Variants in LRRTM4 observed in about 807,000 individuals in gnomAD.
The protein encoded by LRRTM4 is leucine-rich repeat transmembrane neuronal protein 4.
A neutral mutation model predicts 47.6 loss-of-function variants in LRRTM4; 25 were observed. The observed-to-expected ratio is 0.53, with a 90% CI of 0.38 to 0.73. The LOEUF is 0.73. Ranked by LOEUF, LRRTM4 falls within the 30% of genes least tolerant of loss-of-function variation. The pLI is 0.00. For missense variants in LRRTM4, 638 were observed against 713.4 expected (o/e 0.89, Z 1.20); for synonymous variants, 311 against 269.5 (o/e 1.15, Z -1.51).
intron 3 of LRRTM4, among the ~76,000 whole-genome samples, chr2:76,842,793 G>C (rs1671723006): frequency 2.6e-5 from 4 of 152,038 alleles, no homozygotes; most frequent in Admixed American, 2.6e-4. Flanking sequence ...TGTTACATAG[G>C]TATACATGTG....
At chr2:77,427,902 C>T (rs868820140) in intron 3 of LRRTM4, among the ~76,000 whole-genome samples, 5 of 152,144 alleles carry the variant, frequency 3.3e-5, no homozygotes, top group South Asian at 2.1e-4. Context: ...CCAACTGATA[C>T]GGTTTGGCTG....
chr2:76,975,702 T>C (rs1460234534), intron 3 of LRRTM4, among the ~76,000 whole-genome samples: 1 of 151,732 alleles, frequency 6.6e-6, no homozygotes, highest in Admixed American at 6.6e-5. Flanking sequence ...ACAAAAAATA[T>C]TTACTATTGG....
intron 3 of LRRTM4, among the ~76,000 whole-genome samples, chr2:77,141,041 A>G (rs1476666888): frequency 6.6e-6 from 1 of 152,184 alleles, no homozygotes; most frequent in Non-Finnish European, 1.5e-5. Context: ...AAACTAGTTC[A>G]ACCATTGTGG....
intron 3 of LRRTM4, among the ~76,000 whole-genome samples, chr2:77,515,081 A>C (rs1679157164): frequency 6.6e-6 from 1 of 151,908 alleles, no homozygotes; most frequent in Admixed American, 6.6e-5. Flanking sequence ...GTATGTACTA[A>C]GTGAATGATT....
chr2:76,955,539 G>T (rs142397850), intron 3 of LRRTM4, among the ~76,000 whole-genome samples: 3 of 151,636 alleles, frequency 2.0e-5, no homozygotes, highest in Non-Finnish European at 4.4e-5. Context: ...CAAGAGGAGA[G>T]GGTAAAAAAG....
chr2:77,154,554 T>G (rs954327158), intron 3 of LRRTM4, among the ~76,000 whole-genome samples: 1 of 152,168 alleles, frequency 6.6e-6, no homozygotes, highest in African/African-American at 2.4e-5. Flanking sequence ...TATTTATAGA[T>G]AGTAATTTTC....
intron 3 of LRRTM4, among the ~76,000 whole-genome samples, chr2:77,309,155 A>T (rs1573230225): frequency 6.6e-6 from 1 of 152,300 alleles, no homozygotes; most frequent in East Asian, 1.9e-4. Context: ...TATCATTTTC[A>T]ACTCAGAAAT....
At chr2:77,126,727 G>T (rs1558593165) in intron 3 of LRRTM4, among the ~76,000 whole-genome samples, 1 of 152,130 alleles carries the variant, frequency 6.6e-6, no homozygotes, top group Non-Finnish European at 1.5e-5. Context: ...AGTCCTAGGG[G>T]GTTGATTTAG....
intron 3 of LRRTM4, among the ~76,000 whole-genome samples, chr2:76,934,656 G>A (rs1020926086): frequency 6.6e-6 from 1 of 152,154 alleles, no homozygotes; most frequent in African/African-American, 2.4e-5. Context: ...CATGGAGCTG[G>A]GAAGATATGT....
intron 3 of LRRTM4, among the ~76,000 whole-genome samples, chr2:76,870,851 C>A (rs1051672683): frequency 6.6e-6 from 1 of 152,160 alleles, no homozygotes; most frequent in African/African-American, 2.4e-5. Context: ...TGAATGGGAA[C>A]AGTTAAATGG....
chr2:76,852,151 A>G (rs1402029948), intron 3 of LRRTM4, among the ~76,000 whole-genome samples: 1 of 152,118 alleles, frequency 6.6e-6, no homozygotes, highest in East Asian at 1.9e-4. Context: ...CCATATTGAA[A>G]ATTGCACAAT....
rs150159264 is a variant in LRRTM4, at chr2:76,845,485, G to T, written c.1552-96569C>A. On this transcript the variant is annotated intron_variant, in intron 3 of 3. Coordinates refer to ENST00000409884, the MANE Select transcript of LRRTM4 (RefSeq NM_001134745.3). ...AAAACAAGGTGCAGTAACGTGAGTGGTGGCTCCCTGCTAGACCTCTGTGGG... is the reference window on the plus strand; with the variant it reads ...AAAACAAGGTGCAGTAACGTGAGTGTTGGCTCCCTGCTAGACCTCTGTGGG... 2.4e-3 allele frequency among the ~76,000 whole-genome samples: 361 copies of T among 152,160 alleles called. 6 individuals are homozygous for T. Among genetic ancestry groups the T allele is most frequent in the African/African-American group, 8.4e-3 (348 of 41,520 alleles).
chr2:76,778,647 CTCT>C (rs1235389931), intron 3 of LRRTM4, among the ~76,000 whole-genome samples: 6 of 152,038 alleles, frequency 3.9e-5, no homozygotes, highest in Non-Finnish European at 8.8e-5. Flanking sequence ...TGATTCTTCT[CTCT>C]TTTTTTCTTT....
At chr2:76,787,679 T>C (rs1384436447) in intron 3 of LRRTM4, among the ~76,000 whole-genome samples, 1 of 152,122 alleles carries the variant, frequency 6.6e-6, no homozygotes, top group Non-Finnish European at 1.5e-5. Context: ...TTGCATTGAC[T>C]ACAGCACACT....
intron 3 of LRRTM4, among the ~76,000 whole-genome samples, chr2:77,499,422 C>T (rs1485750640): frequency 6.6e-6 from 1 of 151,846 alleles, no homozygotes; most frequent in Non-Finnish European, 1.5e-5. Flanking sequence ...TACACACTTA[C>T]CTGACCCTGC....
chr2:77,085,735 C>G (rs1320883809), intron 3 of LRRTM4, among the ~76,000 whole-genome samples: 3 of 152,288 alleles, frequency 2.0e-5, no homozygotes, highest in African/African-American at 7.2e-5. Context: ...TATTCTATGT[C>G]TCTTTTCAGT....
intron 3 of LRRTM4, among the ~76,000 whole-genome samples, chr2:76,939,350 A>G (rs984191296): frequency 6.6e-6 from 1 of 152,124 alleles, no homozygotes; most frequent in African/African-American, 2.4e-5. Context: ...CTACTCCTAA[A>G]GGCCTTAGAA....
chr2:77,394,805 G>C (rs1673636774), intron 3 of LRRTM4, among the ~76,000 whole-genome samples: 1 of 151,950 alleles, frequency 6.6e-6, no homozygotes, highest in African/African-American at 2.4e-5. Context: ...GCATTCAAGA[G>C]TGCAGCCTAT....
intron 3 of LRRTM4, among the ~76,000 whole-genome samples, chr2:76,858,249 C>G (rs1210022404): frequency 1.3e-5 from 2 of 152,128 alleles, no homozygotes; most frequent in African/African-American, 4.8e-5. Flanking sequence ...GGATAGGCCT[C>G]ATCCAACCAG....
Sources: allele counts gnomAD v4.1 joint callset (sites outside exome capture counted in the v4.1 genomes callset), GRCh38; gene constraint gnomAD v4.1.1; transcripts MANE v1.5; gene names NCBI Gene and HGNC (gene_info 2026-07-23, HGNC 2026-07-21).